Variants in TRIO observed in about 807,000 individuals in gnomAD.
TRIO encodes triple functional domain protein.
Under a neutral mutation model 351.9 loss-of-function variants are expected in TRIO, and 58 were observed. That is an observed-to-expected ratio of 0.16 (90% CI 0.13 to 0.21). The LOEUF (loss-of-function observed/expected upper bound fraction) is 0.21, where lower values mean the gene tolerates loss of function less well. TRIO is among the 10% of genes least tolerant of loss of function. TRIO has a pLI of 1.00. For synonymous variants in TRIO, 1,758 were observed against 1,595.7 expected, an observed-to-expected ratio of 1.10 and a Z score of -2.42; for missense variants, 3,201 against 4,027.8, an observed-to-expected ratio of 0.79 and a Z score of 5.56.
At chr5:14,193,833 A>G (rs1044586904) in intron 1 of TRIO, among the ~76,000 whole-genome samples, 3 of 152,220 alleles carry the variant, frequency 2.0e-5, no homozygotes, top group African/African-American at 7.2e-5. Context: ...AATATTACAC[A>G]TGATGGCAAT....
intron 31 of TRIO, among the ~76,000 whole-genome samples, chr5:14,404,692 C>T (rs926483363): frequency 5.9e-5 from 9 of 152,146 alleles, no homozygotes; most frequent in Non-Finnish European, 1.2e-4. Flanking sequence ...CGCCAGAAGA[C>T]ATTGGTTTTC....
intron 6 of TRIO, 25 bp from the exon 7 acceptor site, chr5:14,297,047 C>G: frequency 6.3e-7 from 1 of 1,596,642 alleles, no homozygotes; most frequent in Non-Finnish European, 8.6e-7. Context: ...CCCTAAGGAG[C>G]CCTCTTTTCC....
At chr5:14,265,233 G>T (rs924692478) in intron 1 of TRIO, among the ~76,000 whole-genome samples, 1 of 152,042 alleles carries the variant, frequency 6.6e-6, no homozygotes, top group Non-Finnish European at 1.5e-5. Flanking sequence ...TAAAGGAGGA[G>T]ACGCAGCCAG....
chr5:14,433,449 C>A (rs998638748), intron 34 of TRIO, among the ~76,000 whole-genome samples: 1 of 152,182 alleles, frequency 6.6e-6, no homozygotes, highest in Non-Finnish European at 1.5e-5. Context: ...GTGCATGGAA[C>A]CTGAGAGACT....
chr5:14,471,029 G>A (rs1182101670), intron 37 of TRIO, among the ~76,000 whole-genome samples: 1 of 152,136 alleles, frequency 6.6e-6, no homozygotes, highest in Non-Finnish European at 1.5e-5. Flanking sequence ...TCTGACATAA[G>A]CAAGTATAAC....
Position 14,437,163 on chromosome 5 carries a change from T to C in TRIO, c.5203+17142T>C, listed in dbSNP as rs542107888. 1.4e-4 allele frequency among the ~76,000 whole-genome samples: 21 copies of C among 152,316 alleles called. 1 individual carries two copies. Among genetic ancestry groups the C allele is most frequent in the African/African-American group, 4.6e-4 (19 of 41,560 alleles). ...ATTTGTTCCATCCTATTCTAAAAGT[T>C]CTTTTTTTCCCTCTCCTGTTTGGAT... On this transcript the variant is annotated intron_variant, in intron 34 of 56. Transcript: ENST00000344204.
At chr5:14,166,429 T>C (rs1231759722) in intron 1 of TRIO, among the ~76,000 whole-genome samples, 1 of 152,240 alleles carries the variant, frequency 6.6e-6, no homozygotes, top group Non-Finnish European at 1.5e-5. Flanking sequence ...AGCAAATAAG[T>C]GTGATGCTTC....
In TRIO at chr5:14,406,606, C is replaced by T. The variant is rs747817989; in HGVS notation, c.4893C>T (p.Gly1631=). The change falls in exon 33 of 57, where the codon GGC becomes GGT. Residue 1631 remains glycine, a synonymous_variant. Coordinates refer to ENST00000344204, the MANE Select transcript of TRIO (RefSeq NM_007118.4). The stretch of plus-strand genomic sequence containing the variant: ...AGGATCTGGACAGCCAAGGAGACGG[C>T]AGCAGCCAGCCTGATACGATTTCCA... The part of the protein sequence containing the change: ...DGEDLDSQGD[G]SSQPDTISIA... 3.1e-6 allele frequency: 5 copies of T among 1,614,070 alleles called. No individual in the cohort carries two copies. Among genetic ancestry groups the T allele is most frequent in the Non-Finnish European group, 4.2e-6 (5 of 1,179,956 alleles).
intron 1 of TRIO, among the ~76,000 whole-genome samples, chr5:14,174,902 T>A (rs1789315010): frequency 6.6e-6 from 1 of 152,228 alleles, no homozygotes; most frequent in Non-Finnish European, 1.5e-5. Context: ...ACTGCAGATA[T>A]TTTTAATCGA....
chr5:14,212,881 A>C (rs994606491), intron 1 of TRIO, among the ~76,000 whole-genome samples: 1 of 151,358 alleles, frequency 6.6e-6, no homozygotes, highest in Non-Finnish European at 1.5e-5. Flanking sequence ...ATTTTCTAGC[A>C]ATCAGGAGAC....
At chr5:14,502,415 C>T (rs1368317870) in intron 53 of TRIO, among the ~76,000 whole-genome samples, 164 bp from the exon 54 acceptor site, 2 of 152,224 alleles carry the variant, frequency 1.3e-5, no homozygotes, top group African/African-American at 4.8e-5. Context: ...GCCCCAGTGT[C>T]TGTGTGTCCT....
intron 1 of TRIO, among the ~76,000 whole-genome samples, chr5:14,177,367 G>A (rs1377029390): frequency 6.6e-6 from 1 of 152,150 alleles, no homozygotes; most frequent in East Asian, 1.9e-4. Context: ...TTCAAACATA[G>A]AGGTCTTTTT....
intron 34 of TRIO, among the ~76,000 whole-genome samples, chr5:14,452,510 C>G (rs1269685329): frequency 1.3e-5 from 2 of 152,212 alleles, no homozygotes; most frequent in Non-Finnish European, 2.9e-5. Flanking sequence ...GAACCCCGGC[C>G]CGGTGGCCTT....
chr5:14,375,608 A>T (rs1007783425), intron 19 of TRIO, among the ~76,000 whole-genome samples: 2 of 152,134 alleles, frequency 1.3e-5, no homozygotes, highest in African/African-American at 4.8e-5. Flanking sequence ...TGTAAGAGTA[A>T]TGGTGGCAGA....
chr5:14,347,499 G>A (rs147060738), intron 11 of TRIO, among the ~76,000 whole-genome samples: 1 of 152,228 alleles, frequency 6.6e-6, no homozygotes, highest in African/African-American at 2.4e-5. Flanking sequence ...ACCTATTCAG[G>A]ACTTTTATGT....
chr5:14,368,561 C>T lies in TRIO; in HGVS notation c.2875-147C>T, dbSNP rs1442473857. 3.9e-6 allele frequency: 3 copies of T among 776,720 alleles called. No individual in the cohort carries two copies. The African/African-American group carries it at 5.2e-5, about 14-fold the overall frequency. The allele number at this position is 776,720 out of a possible 1,614,324, so 48.1% of individuals were successfully genotyped here. A position where few individuals can be genotyped will look rare whatever the true frequency, so the allele number is the denominator to read the frequency against. On this transcript the variant is annotated intron_variant, in intron 16 of 56. Transcript: ENST00000344204. ...AAAACCTTTTTTGCTAAACTGTCTGCTGTGCTTTTAGAAGCATCCTAGTGA... is the reference window on the plus strand; with the variant it reads ...AAAACCTTTTTTGCTAAACTGTCTGTTGTGCTTTTAGAAGCATCCTAGTGA...
At chr5:14,495,827 G>A (rs940966814) in intron 49 of TRIO, among the ~76,000 whole-genome samples, 1 of 152,086 alleles carries the variant, frequency 6.6e-6, no homozygotes, top group Non-Finnish European at 1.5e-5. Flanking sequence ...AAATAGCTGA[G>A]CGTAGTGGCA....
chr5:14,275,941 TATATATATACATATATATAC>T (rs1186624778), intron 2 of TRIO, among the ~76,000 whole-genome samples: 8 of 148,032 alleles, frequency 5.4e-5, no homozygotes, highest in Non-Finnish European at 8.9e-5. Context: ...TATGTGTGTC[TATATATATACATATATATAC>T]ATATATATAC....
intron 53 of TRIO, among the ~76,000 whole-genome samples, chr5:14,501,773 C>T (rs1579847809): frequency 6.6e-6 from 1 of 152,028 alleles, no homozygotes; most frequent in Non-Finnish European, 1.5e-5. Context: ...GTGAGCGGGC[C>T]GAAAGAGGGG....
Sources: gnomAD v4.1 joint callset for allele counts (sites outside exome capture counted in the v4.1 genomes callset) on GRCh38, gnomAD v4.1.1 for gene constraint, MANE v1.5 for transcripts, NCBI Gene and HGNC (gene_info 2026-07-23, HGNC 2026-07-21) for gene names.